NCAM2: variants seen among roughly 807,000 people sequenced by gnomAD.
NCAM2 encodes N-CAM-2.
In NCAM2, 30 loss-of-function variants were observed where a neutral mutation model predicts 98.1. The ratio of observed to expected loss-of-function variants is 0.31; its 90% confidence interval spans 0.23 to 0.41. The LOEUF (loss-of-function observed/expected upper bound fraction) is 0.41. NCAM2 is among the 10% of genes least tolerant of loss of function. The pLI, the probability that NCAM2 is intolerant of heterozygous loss-of-function variation, is 1.00. For synonymous variants in NCAM2, 368 were observed against 342.4 expected, an observed-to-expected ratio of 1.07 and a Z score of -0.83; for missense variants, 867 against 1,005.8, an observed-to-expected ratio of 0.86 and a Z score of 1.87.
intron 1 of NCAM2, among the ~76,000 whole-genome samples, chr21:21,068,136 T>C (rs202162203): frequency 7.1e-3 from 56 of 7,844 alleles, no homozygotes; most frequent in East Asian, 0.07. Flanking sequence ...CTTTTTTTTC[T>C]TTTTTTTTTT....
intron 1 of NCAM2, among the ~76,000 whole-genome samples, chr21:21,259,919 AACACACACAC>A (rs10618210): frequency 0.38 from 53,618 of 141,722 alleles, 10,460 homozygotes; most frequent in East Asian, 0.42. Context: ...AATAAGAAGC[AACACACACAC>A]ACACACACAC....
chr21:21,083,725 T>A (rs57584866), intron 1 of NCAM2, among the ~76,000 whole-genome samples: 6,296 of 152,272 alleles, frequency 0.041, 401 homozygotes, highest in African/African-American at 0.14. Context: ...TCATCTTTTT[T>A]AAAATTCTAT....
At chr21:21,164,163 G>C (rs2067878841) in intron 1 of NCAM2, among the ~76,000 whole-genome samples, 1 of 152,254 alleles carries the variant, frequency 6.6e-6, no homozygotes, top group South Asian at 2.1e-4. Flanking sequence ...CCTTGGCTGG[G>C]CAAACTCAGC....
chr21:21,246,492 T>C (rs1035567043), intron 1 of NCAM2, among the ~76,000 whole-genome samples: 32 of 152,170 alleles, frequency 2.1e-4, no homozygotes, highest in Non-Finnish European at 4.3e-4. Context: ...CAAAGAGATA[T>C]GTTATTACAG....
At chr21:21,279,939 T>G (rs933303606) in intron 1 of NCAM2, among the ~76,000 whole-genome samples, 1 of 152,242 alleles carries the variant, frequency 6.6e-6, no homozygotes, top group Non-Finnish European at 1.5e-5. Context: ...AATAACACTT[T>G]GCTTATCTTC....
chr21:21,190,041 A>G (rs1380486761), intron 1 of NCAM2, among the ~76,000 whole-genome samples: 2 of 152,194 alleles, frequency 1.3e-5, no homozygotes, highest in Non-Finnish European at 2.9e-5. Flanking sequence ...TTTCTGCATT[A>G]TATCCAAGAG....
intron 8 of NCAM2, among the ~76,000 whole-genome samples, chr21:21,368,642 T>G (rs1379387183): frequency 6.6e-6 from 1 of 151,918 alleles, no homozygotes; most frequent in Non-Finnish European, 1.5e-5. Flanking sequence ...TGCATGGGAC[T>G]AGCTAGCTTT....
chr21:21,220,529 C>T (rs191323116), intron 1 of NCAM2, among the ~76,000 whole-genome samples: 2 of 152,166 alleles, frequency 1.3e-5, no homozygotes, highest in East Asian at 3.9e-4. Flanking sequence ...GATAAAATTA[C>T]CTAAGGACAC....
intron 12 of NCAM2, among the ~76,000 whole-genome samples, chr21:21,445,428 TG>T (rs1362972612): frequency 6.6e-6 from 1 of 152,158 alleles, no homozygotes; most frequent in East Asian, 1.9e-4. Flanking sequence ...ATATTGTCAT[TG>T]GGGTGTTAAA....
intron 1 of NCAM2, among the ~76,000 whole-genome samples, chr21:21,000,207 G>C (rs2063993359): frequency 6.6e-6 from 1 of 152,114 alleles, no homozygotes; most frequent in African/African-American, 2.4e-5. Flanking sequence ...TTCATTTATA[G>C]CATAGACAGG....
At chr21:21,094,793 T>C (rs915214756) in intron 1 of NCAM2, among the ~76,000 whole-genome samples, 2 of 151,736 alleles carry the variant, frequency 1.3e-5, no homozygotes, top group Non-Finnish European at 3.0e-5. Flanking sequence ...GACTTAATAC[T>C]CAAAAGGTAG....
chr21:21,472,295 G>A (rs1205216709), intron 14 of NCAM2, among the ~76,000 whole-genome samples: 1 of 151,976 alleles, frequency 6.6e-6, no homozygotes, highest in African/African-American at 2.4e-5. Context: ...TGGAGTCCAC[G>A]AGGTTGTACA....
intron 1 of NCAM2, among the ~76,000 whole-genome samples, chr21:21,035,717 G>C (rs535611268): frequency 1.6e-4 from 25 of 152,228 alleles, no homozygotes; most frequent in African/African-American, 4.6e-4. Context: ...TATTTGATAA[G>C]AGTGTTTGAT....
intron 6 of NCAM2, among the ~76,000 whole-genome samples, chr21:21,331,854 T>TG (rs2074718195): frequency 6.6e-6 from 1 of 150,934 alleles, no homozygotes; most frequent in Non-Finnish European, 1.5e-5. Context: ...CCCAAAGTGC[T>TG]GGGATTGCAG....
intron 2 of NCAM2, among the ~76,000 whole-genome samples, chr21:21,283,752 T>C (rs1385876504): frequency 1.3e-5 from 2 of 151,896 alleles, no homozygotes; most frequent in Non-Finnish European, 2.9e-5. Context: ...TTTCAGAGAT[T>C]TAAGTGCTAT....
chr21:21,226,722 A>G (rs898125699), intron 1 of NCAM2: 4 of 152,112 alleles, frequency 2.6e-5, no homozygotes, highest in African/African-American at 9.7e-5. Flanking sequence ...CAAAGGCTGT[A>G]TTAGTAATGA....
intron 1 of NCAM2, among the ~76,000 whole-genome samples, chr21:21,034,054 G>GA (rs1197196654): frequency 6.8e-6 from 1 of 147,966 alleles, no homozygotes; most frequent in Admixed American, 6.7e-5. Context: ...ATAGGCAAAG[G>GA]GGGGGGGGAA....
chr21:21,464,560 T>C (rs1983425664), intron 12 of NCAM2, among the ~76,000 whole-genome samples: 1 of 152,086 alleles, frequency 6.6e-6, no homozygotes, highest in African/African-American at 2.4e-5. Flanking sequence ...ATAAATGCCT[T>C]GATTGTAAAC....
At chr21:21,264,719 G>T (rs185664013) in intron 1 of NCAM2, among the ~76,000 whole-genome samples, 3 of 146,466 alleles carry the variant, frequency 2.0e-5, no homozygotes, top group Non-Finnish European at 4.5e-5. Flanking sequence ...ACATCATTTT[G>T]TTAAGATCTT....
Sources: gnomAD v4.1 joint callset for allele counts (sites outside exome capture counted in the v4.1 genomes callset) on GRCh38, gnomAD v4.1.1 for gene constraint, MANE v1.5 for transcripts, NCBI Gene and HGNC (gene_info 2026-07-23, HGNC 2026-07-21) for gene names.